The following BBS4 variants were observed in gnomAD, a reference collection of about 807,000 sequenced individuals.
BBS4 encodes Bardet-Biedl syndrome 4.
BBS4 carries 58 observed loss-of-function variants against 71.4 expected under a neutral mutation model. That is an observed-to-expected ratio of 0.81 (90% CI 0.66 to 1.01). The LOEUF is 1.01. Ranked by LOEUF, BBS4 falls within the 50% of genes least tolerant of loss-of-function variation. The pLI is 0.00. For missense variants in BBS4, 660 were observed against 607.9 expected (o/e 1.09, Z -0.90); for synonymous variants, 228 against 216.8 (o/e 1.05, Z -0.46).
intron 2 of BBS4, among the ~76,000 whole-genome samples, chr15:72,705,632 A>T (rs2065250987): frequency 9.1e-6 from 1 of 110,270 alleles, no homozygotes; most frequent in Non-Finnish European, 1.7e-5. Flanking sequence ...TCACTCTGTC[A>T]CCCAGGTTGG....
intron 4 of BBS4, 137 bp from the exon 5 acceptor site, chr15:72,715,154 G>A (rs1177011461): frequency 1.5e-6 from 1 of 688,630 alleles, no homozygotes; most frequent in Admixed American, 2.2e-5. Flanking sequence ...ATATCTGATT[G>A]TTTTAAGGAT....
At chr15:72,686,309 GGCT>G in intron 1 of BBS4, 58 bp downstream of exon 1, 2 of 1,550,814 alleles carry the variant, frequency 1.3e-6, no homozygotes, top group Non-Finnish European at 1.7e-6. Context: ...GCTGGCGGGT[GGCT>G]TTTGTCCCAT....
chr15:72,705,635 C>G (rs2065251180), intron 2 of BBS4, among the ~76,000 whole-genome samples: 1 of 144,736 alleles, frequency 6.9e-6, no homozygotes, highest in Non-Finnish European at 1.5e-5. Flanking sequence ...CTCTGTCACC[C>G]AGGTTGGAGT....
At chr15:72,698,806 C>T (rs939790388) in intron 2 of BBS4, among the ~76,000 whole-genome samples, 2 of 152,112 alleles carry the variant, frequency 1.3e-5, no homozygotes, top group Non-Finnish European at 2.9e-5. Context: ...GGTTCTCAGA[C>T]GTGATTTTGA....
chr15:72,686,270 T>C lies in BBS4; in HGVS notation c.24+19T>C. 5 of 1,563,230 alleles carry C rather than the reference T, an allele frequency of 3.2e-6. No homozygotes were observed. The highest frequency in any genetic ancestry group is 3.5e-6 in the Non-Finnish European group (4 of 1,154,334). On this transcript the variant is annotated intron_variant, in intron 1 of 15. Transcript: ENST00000268057. ...CGCGACGGTGAGCGCCGAGATTCTCTTTAGTTGCCCGGCCGCAGGGCAAGG... is the reference window on the plus strand; with the variant it reads ...CGCGACGGTGAGCGCCGAGATTCTCCTTAGTTGCCCGGCCGCAGGGCAAGG...
intron 4 of BBS4, 41 bp from the exon 5 acceptor site, chr15:72,715,250 A>G: frequency 6.7e-7 from 1 of 1,488,288 alleles, no homozygotes; most frequent in Non-Finnish European, 9.3e-7. Context: ...TCTTCCCAGA[A>G]CATGGTTTTA....
intron 12 of BBS4, among the ~76,000 whole-genome samples, chr15:72,732,709 T>C (rs796908877): frequency 5.7e-4 from 87 of 152,306 alleles, no homozygotes; most frequent in African/African-American, 2.0e-3. Flanking sequence ...ACTGGAAAGA[T>C]AGTCTGTTAC....
At chr15:72,713,471 A>G (rs1351768068) in intron 4 of BBS4, among the ~76,000 whole-genome samples, 2 of 152,200 alleles carry the variant, frequency 1.3e-5, no homozygotes, top group South Asian at 2.1e-4. Context: ...GTCATCTCCT[A>G]TAACAATAGG....
chr15:72,708,000 C>T (rs2065295454), intron 2 of BBS4, among the ~76,000 whole-genome samples: 1 of 149,662 alleles, frequency 6.7e-6, no homozygotes, highest in South Asian at 2.1e-4. Flanking sequence ...CGGAGTCTCA[C>T]TCTTTCACCA....
At chr15:72,697,199 C>T (rs2065092463) in intron 2 of BBS4, among the ~76,000 whole-genome samples, 1 of 152,198 alleles carries the variant, frequency 6.6e-6, no homozygotes, top group Admixed American at 6.5e-5. Context: ...CCCCAAAGTA[C>T]TGGGATTACA....
chr15:72,687,341 C>T (rs1034502689), intron 1 of BBS4, among the ~76,000 whole-genome samples: 9 of 151,976 alleles, frequency 5.9e-5, no homozygotes, highest in Non-Finnish European at 1.3e-4. Flanking sequence ...CGGTGCATCA[C>T]GCCTGTAATC....
At chr15:72,721,061 T>C (rs1163830514) in intron 6 of BBS4, among the ~76,000 whole-genome samples, 6 of 152,206 alleles carry the variant, frequency 3.9e-5, no homozygotes, top group African/African-American at 2.4e-5. Flanking sequence ...TCTCCATGCA[T>C]GCATTCTTAT....
intron 2 of BBS4, among the ~76,000 whole-genome samples, chr15:72,696,298 T>C (rs2065075022): frequency 6.6e-6 from 1 of 152,190 alleles, no homozygotes; most frequent in African/African-American, 2.4e-5. Context: ...AATATTTTAG[T>C]TTTAGTTATT....
intron 1 of BBS4, among the ~76,000 whole-genome samples, chr15:72,691,236 A>G (rs142908710): frequency 1.3e-5 from 2 of 152,102 alleles, no homozygotes; most frequent in African/African-American, 2.4e-5. Context: ...CCTGCCTCAC[A>G]TAAGTATTCT....
At chr15:72,710,900 C>T (rs957024834) in intron 3 of BBS4, among the ~76,000 whole-genome samples, 2 of 151,778 alleles carry the variant, frequency 1.3e-5, no homozygotes, top group African/African-American at 2.4e-5. Flanking sequence ...AAGCAATTCT[C>T]CTGCCTCAGC....
At chr15:72,727,822 C>T (rs2065731189) in intron 8 of BBS4, 118 bp from the exon 9 acceptor site, 3 of 793,880 alleles carry the variant, frequency 3.8e-6, no homozygotes, top group Admixed American at 1.9e-5. Context: ...GGTATTTCCA[C>T]GGGGAGGAAG....
chr15:72,698,515 C>T (rs2065116861), intron 2 of BBS4, among the ~76,000 whole-genome samples: 1 of 152,074 alleles, frequency 6.6e-6, no homozygotes, highest in African/African-American at 2.4e-5. Context: ...CTGGCTTATT[C>T]CACTCAGCAT....
chr15:72,691,060 C>T (rs757508598), intron 1 of BBS4, among the ~76,000 whole-genome samples: 1 of 151,950 alleles, frequency 6.6e-6, no homozygotes, highest in Non-Finnish European at 1.5e-5. Flanking sequence ...GATCATTAAC[C>T]AAATGAGCCC....
chr15:72,731,341 G>A lies in BBS4; in HGVS notation c.748G>A (p.Gly250Arg), dbSNP rs34620165. The A allele has an allele frequency of 7.6e-4, 1,234 of 1,613,980 alleles. 11 individuals carry two copies. The African/African-American group carries it at 0.015, about 20-fold the overall frequency. ...AGCAGGCAGCATGATGCAGACCCACGGGGACTTTGATGTTGCCCTCACCAA... is the reference window on the plus strand; with the variant it reads ...AGCAGGCAGCATGATGCAGACCCACAGGGACTTTGATGTTGCCCTCACCAA... ...LAAGSMMQTH[G>R]DFDVALTKYR... The change falls in exon 11 of 16, where the codon GGG becomes AGG. Residue 250 changes from glycine to arginine, a missense_variant. Physicochemically the swap from Gly to Arg is moderately radical, Grantham distance 125. Transcript: ENST00000268057.
Sources: allele counts gnomAD v4.1 joint callset (sites outside exome capture counted in the v4.1 genomes callset), GRCh38; gene constraint gnomAD v4.1.1; transcripts MANE v1.5; gene names NCBI Gene and HGNC (gene_info 2026-07-23, HGNC 2026-07-21).